Variants in MRPL34 observed in about 807,000 individuals in gnomAD.
MRPL34 encodes large ribosomal subunit protein bL34m.
MRPL34 carries 8 observed loss-of-function variants against 6.7 expected under a neutral mutation model. The ratio of observed to expected loss-of-function variants is 1.20; its 90% CI spans 0.70 to 2.16. The LOEUF (loss-of-function observed/expected upper bound fraction) is 2.16, where lower values mean the gene tolerates loss of function less well. Among genes scored for constraint, MRPL34 ranks in the 30% most tolerant of loss-of-function variants. The pLI is 0.00. For missense variants in MRPL34, 146 were observed against 125.5 expected (o/e 1.16, Z -0.78); for synonymous variants, 59 against 55.1 (o/e 1.07, Z -0.31).
At chr19:17,294,462 T>C (rs140686610) in intron 1 of MRPL34, 2 of 1,614,016 alleles carry the variant, frequency 1.2e-6, no homozygotes, top group African/African-American at 1.3e-5. Context: ...TGCCCTCCTT[T>C]AACAGCTGCT....
At chr19:17,305,582 TAGG>T (rs2074141748), upstream of MRPL34, 1 of 375,228 alleles carries the variant, frequency 2.7e-6, no homozygotes, top group African/African-American at 2.2e-5. Flanking sequence ...TGCCGGTCAA[TAGG>T]AGAGAGAACT....
rs1369618589 is a variant in MRPL34, at chr19:17,306,138, C to T, written c.66-28C>T. The T allele has an allele frequency of 2.0e-6, 3 of 1,508,084 alleles. No individual in the cohort carries two copies. The East Asian group carries it at 7.4e-5, about 37-fold the overall frequency. The allele number at this position is 1,508,084 out of a possible 1,614,324, so 93.4% of individuals were successfully genotyped here. A position where few individuals can be genotyped will look rare whatever the true frequency, so the allele number is the denominator to read the frequency against. ...AAGGTCACCCAGCGCCCCGTCTGAC[C>T]TTTCTCGCCGTCCCTCTACCCACGC... is the stretch of plus-strand genomic sequence containing the variant. On this transcript the variant is annotated intron_variant, in intron 1 of 1. Transcript: ENST00000252602.
At chr19:17,305,071 G>A (rs1334708723), upstream of MRPL34, among the ~76,000 whole-genome samples, 1 of 152,096 alleles carries the variant, frequency 6.6e-6, no homozygotes, top group East Asian at 1.9e-4. Context: ...GGCGGATAGG[G>A]GAACACCAGG....
At position 17,295,090 on chromosome 19, in the gene MRPL34, ATTTTTTTTT is replaced by A. The variant is rs779607230; in HGVS notation, c.214+2254_214+2262del. Among the ~76,000 whole-genome samples, 22 of 80,416 alleles carry A rather than the reference ATTTTTTTTT, an allele frequency of 2.7e-4. No individual in the cohort carries two copies. In the East Asian group the frequency reaches 4.0e-3, roughly 15 times the overall value. The allele number at this position is 80,416 out of a possible 152,430, so 52.8% of individuals were successfully genotyped here. ...AGGCGCACACCACCACACCCAGGTAATTTTTTTTTTTTTTTTTTTTTTTTTTGAGACGGA... is the reference window on the plus strand; with the variant it reads ...AGGCGCACACCACCACACCCAGGTAATTTTTTTTTTTTTTTTTGAGACGGA... On this transcript the variant is annotated intron_variant, in intron 1 of 2. Transcript: ENST00000595444.
chr19:17,297,503 C>T (rs1353157846), intron 1 of MRPL34, among the ~76,000 whole-genome samples: 7 of 151,954 alleles, frequency 4.6e-5, no homozygotes, highest in African/African-American at 1.5e-4. Context: ...ACCATTTTGG[C>T]CAGGCTGGTC....
At chr19:17,305,241 CTTTTTTTTT>C (rs34823570), upstream of MRPL34, among the ~76,000 whole-genome samples, 4 of 121,224 alleles carry the variant, frequency 3.3e-5, no homozygotes, top group African/African-American at 9.3e-5. Context: ...ATTTTTCTTC[CTTTTTTTTT>C]TTTTTTTTTT....
upstream of MRPL34, chr19:17,305,725 C>A: frequency 1.4e-6 from 1 of 717,546 alleles, no homozygotes; most frequent in Non-Finnish European, 2.5e-6. Flanking sequence ...TATAGACTGG[C>A]GCGCCTCTGT....
At chr19:17,294,537 T>C in intron 1 of MRPL34, 1 of 1,612,988 alleles carries the variant, frequency 6.2e-7, no homozygotes, top group Non-Finnish European at 8.5e-7. Flanking sequence ...TAGAGCCCCT[T>C]ATGCCAGCCC....
intron 1 of MRPL34, among the ~76,000 whole-genome samples, chr19:17,297,069 G>T (rs775306134): frequency 6.6e-6 from 1 of 152,128 alleles, no homozygotes; most frequent in Non-Finnish European, 1.5e-5. Context: ...TAAAATATTC[G>T]CTATCCGATC....
intron 1 of MRPL34, 30 bp from the exon 2 acceptor site, chr19:17,306,136 A>C (rs1599529112): frequency 1.3e-6 from 2 of 1,506,240 alleles, no homozygotes; most frequent in Non-Finnish European, 1.8e-6. Context: ...GCCCCGTCTG[A>C]CCTTTCTCGC....
At position 17,306,367 on chromosome 19, in the gene MRPL34, G is replaced by C. The variant is rs540064264; in HGVS notation, c.267G>C (p.Ser89=). The change falls in exon 2 of 2, where the codon TCG becomes TCC. Residue 89 remains serine (S), a synonymous_variant. Transcript: ENST00000252602. ...GCCGAATGCTCAAGGGCCGCAAGTC[G>C]CTGAGCCATTGAGGATCGCGACGCA... The part of the protein sequence containing the change: ...ILRRMLKGRK[S]LSH The C allele has an allele frequency of 1.3e-6, 2 of 1,599,660 alleles. No individual in the cohort carries two copies. Among genetic ancestry groups the C allele is most frequent in the South Asian group, 2.2e-5 (2 of 89,438 alleles).
chr19:17,305,227 G>A (rs956827921), upstream of MRPL34, among the ~76,000 whole-genome samples: 2 of 141,466 alleles, frequency 1.4e-5, no homozygotes, highest in South Asian at 4.5e-4. Flanking sequence ...CTGAGTATCA[G>A]AAAATTTTTC....
At position 17,306,539 on chromosome 19, in the gene MRPL34, CT is replaced by C. The variant is rs1353469371; in HGVS notation, c.*165del. On this transcript the variant is annotated 3_prime_UTR_variant, in exon 2 of 2. Transcript: ENST00000252602. ...GTCTGGATGGGAGCTTGCCAAGTCC[CT>C]TTTTAGGCTTTTTAATTAGGAAGCA... 3.2e-6 allele frequency: 2 copies of C among 625,286 alleles called. No homozygotes were observed. The highest frequency in any genetic ancestry group is 5.4e-6 in the Non-Finnish European group (2 of 372,518). 38.7% of individuals were successfully genotyped at this position (625,286 alleles called of 1,614,324 possible).
chr19:17,294,567 C>T (rs1334550746), intron 1 of MRPL34: 4 of 1,609,580 alleles, frequency 2.5e-6, no homozygotes, highest in Admixed American at 3.3e-5. Flanking sequence ...GGGGTGCCCC[C>T]GATGCCAGCC....
upstream of MRPL34, among the ~76,000 whole-genome samples, chr19:17,299,889 C>T (rs1184300435): frequency 2.7e-5 from 4 of 149,156 alleles, no homozygotes; most frequent in South Asian, 2.2e-4. Flanking sequence ...TGTGCACCAC[C>T]GCGCGTGGTG....
intron 1 of MRPL34, 97 bp downstream of exon 1, chr19:17,306,054 TG>T: frequency 6.5e-7 from 1 of 1,544,018 alleles, no homozygotes; most frequent in Non-Finnish European, 8.9e-7. Context: ...GCCAGTGCCT[TG>T]CGCATTTTGC....
At chr19:17,305,678 G>A (rs1022355295), upstream of MRPL34, 1 of 604,592 alleles carries the variant, frequency 1.7e-6, no homozygotes, top group Admixed American at 2.8e-5. Context: ...CCGGCTACCT[G>A]TTGGTGTGTA....
intron 1 of MRPL34, chr19:17,294,299 G>T (rs1039561725): frequency 1.9e-6 from 3 of 1,605,284 alleles, no homozygotes; most frequent in African/African-American, 1.3e-5. Flanking sequence ...TCGGCCATGC[G>T]CTGGTCTTCC....
chr19:17,305,754 C>A (rs1490283533), upstream of MRPL34: 9 of 897,528 alleles, frequency 1.0e-5, no homozygotes, highest in Non-Finnish European at 1.4e-5. Flanking sequence ...CGCAGAACTA[C>A]AACTTCAGGG....
Sources: allele counts gnomAD v4.1 joint callset (sites outside exome capture counted in the v4.1 genomes callset), GRCh38; gene constraint gnomAD v4.1.1; transcripts MANE v1.5; gene names NCBI Gene and HGNC (gene_info 2026-07-23, HGNC 2026-07-21).